The following DPP10 variants were observed in gnomAD, a reference collection of about 807,000 sequenced individuals.
DPP10 encodes inactive dipeptidyl peptidase 10.
DPP10 carries 33 observed loss-of-function variants against 120.9 expected under a neutral mutation model. The observed-to-expected ratio is 0.27, with a 90% confidence interval of 0.21 to 0.37. The LOEUF is 0.37. Among genes scored for constraint, DPP10 ranks in the 10% least tolerant of loss-of-function variants. DPP10 has a pLI of 1.00. For synonymous variants in DPP10, 337 were observed against 326.1 expected, an observed-to-expected ratio of 1.03 and a Z score of -0.36; for missense variants, 816 against 942.8, an observed-to-expected ratio of 0.87 and a Z score of 1.76.
chr2:115,777,558 CAG>C (rs1682263728), intron 14 of DPP10, among the ~76,000 whole-genome samples: 1 of 151,944 alleles, frequency 6.6e-6, no homozygotes, highest in South Asian at 2.1e-4. Flanking sequence ...ATGATTTTAT[CAG>C]GGGAAAAAAA....
chr2:115,040,721 T>A (rs1704571329), intron 1 of DPP10, among the ~76,000 whole-genome samples: 1 of 151,982 alleles, frequency 6.6e-6, no homozygotes, highest in South Asian at 2.1e-4. Flanking sequence ...GCCGTGAGAT[T>A]TGGTTGTTTA....
intron 3 of DPP10, among the ~76,000 whole-genome samples, chr2:115,460,752 T>C (rs1291827047): frequency 4.6e-5 from 7 of 152,322 alleles, no homozygotes; most frequent in African/African-American, 7.2e-5. Flanking sequence ...ATCTGGCTAC[T>C]GCCAGGTCTT....
intron 5 of DPP10, among the ~76,000 whole-genome samples, chr2:115,687,046 G>A (rs58349479): frequency 0.29 from 43,345 of 151,842 alleles, 6,617 homozygotes; most frequent in African/African-American, 0.37. Context: ...AGGAAATTGA[G>A]GAATGTTAAA....
At chr2:115,290,514 T>A (rs1318363895) in intron 1 of DPP10, among the ~76,000 whole-genome samples, 2 of 152,156 alleles carry the variant, frequency 1.3e-5, no homozygotes, top group Non-Finnish European at 2.9e-5. Flanking sequence ...CTTTCCTTTA[T>A]ATTTGAACAT....
rs11323459 is a variant in DPP10 at position 114,942,272 on chromosome 2, CA to C, written c.61-366956del. ...TGGGTGACAGGGAGAGATTCTGTCT[CA>C]AAAAAAAAAATGTGTATATATATAC... On this transcript the variant is annotated intron_variant, in intron 1 of 25. Coordinates refer to ENST00000410059, the MANE Select transcript of DPP10 (RefSeq NM_020868.6). Among the ~76,000 whole-genome samples, 964 of 102,094 alleles carry C rather than the reference CA, an allele frequency of 9.4e-3. 11 individuals are homozygous for C. Among genetic ancestry groups the C allele is most frequent in the African/African-American group, 0.032 (829 of 25,660 alleles). 67.0% of individuals were successfully genotyped at this position (102,094 alleles called of 152,430 possible). A position where few individuals can be genotyped will look rare whatever the true frequency, so the allele number is the denominator to read the frequency against.
At chr2:115,340,900 T>G (rs2063410692) in intron 2 of DPP10, among the ~76,000 whole-genome samples, 1 of 152,076 alleles carries the variant, frequency 6.6e-6, no homozygotes, top group Non-Finnish European at 1.5e-5. Flanking sequence ...AGTCAATGTT[T>G]ATCAAATATA....
chr2:115,568,444 C>A (rs919085831), intron 5 of DPP10, among the ~76,000 whole-genome samples: 1 of 151,996 alleles, frequency 6.6e-6, no homozygotes, highest in East Asian at 1.9e-4. Flanking sequence ...GATTGCGCCA[C>A]TGCACTCCAG....
At chr2:115,047,709 G>A (rs1219049815) in intron 1 of DPP10, among the ~76,000 whole-genome samples, 1 of 152,014 alleles carries the variant, frequency 6.6e-6, no homozygotes, top group Non-Finnish European at 1.5e-5. Flanking sequence ...TAAATACTAT[G>A]CTTAATGAAG....
intron 1 of DPP10, among the ~76,000 whole-genome samples, chr2:114,988,094 G>A (rs996039492): frequency 6.6e-6 from 1 of 151,962 alleles, no homozygotes; most frequent in Non-Finnish European, 1.5e-5. Context: ...GTGAGCCACC[G>A]CGCCCGGCCG....
chr2:114,517,386 G>A (rs1245148630), intron 1 of DPP10, among the ~76,000 whole-genome samples: 2 of 152,028 alleles, frequency 1.3e-5, no homozygotes, highest in Admixed American at 6.5e-5. Context: ...CAGGTGTAGT[G>A]TCACATGCCT....
At chr2:115,618,411 T>A (rs890438668) in intron 5 of DPP10, among the ~76,000 whole-genome samples, 1 of 152,148 alleles carries the variant, frequency 6.6e-6, no homozygotes, top group African/African-American at 2.4e-5. Context: ...TAATGAATGA[T>A]GAAATGGTGG....
At chr2:115,223,933 G>A (rs889741799) in intron 1 of DPP10, among the ~76,000 whole-genome samples, 1 of 152,082 alleles carries the variant, frequency 6.6e-6, no homozygotes, top group Non-Finnish European at 1.5e-5. Flanking sequence ...CCATTAAAAT[G>A]ATGTTACTCA....
rs58126075 is a variant in DPP10, at chr2:114,455,544, C to CAA, written c.60+12720_60+12721dup. Reference sequence around the variant, plus strand: ...TGGGTGACAGTTCAAGACTCTGTCTCAAAAAAAAAAAAAAATGTAAATACA... The same window carrying CAA: ...TGGGTGACAGTTCAAGACTCTGTCTCAAAAAAAAAAAAAAAAATGTAAATACA... On this transcript the variant is annotated intron_variant, in intron 1 of 25. Coordinates refer to ENST00000410059, the MANE Select transcript of DPP10 (RefSeq NM_020868.6). 8.0e-3 allele frequency among the ~76,000 whole-genome samples: 959 copies of CAA among 120,492 alleles called. 8 individuals are homozygous for CAA. Among genetic ancestry groups the CAA allele is most frequent in the African/African-American group, 0.022 (745 of 34,130 alleles). The allele number at this position is 120,492 out of a possible 152,430, so 79.0% of individuals were successfully genotyped here.
rs1450348337 is a variant in DPP10, at chr2:115,795,349, G to T, written c.1700+3993G>T. 5.3e-5 allele frequency among the ~76,000 whole-genome samples: 8 copies of T among 152,200 alleles called. No individual in the cohort carries two copies. In the East Asian group the frequency reaches 9.7e-4, roughly 18 times the overall value. Reference sequence around the variant, plus strand: ...ACTCGTTAAAGGTCTAATAAGGGAGGCAGTAAATGTTCAACAGATTATATT... The same window carrying T: ...ACTCGTTAAAGGTCTAATAAGGGAGTCAGTAAATGTTCAACAGATTATATT... On this transcript the variant is annotated intron_variant, in intron 19 of 25. Transcript: ENST00000410059.
At chr2:114,760,025 C>G (rs576066740) in intron 1 of DPP10, among the ~76,000 whole-genome samples, 5 of 152,280 alleles carry the variant, frequency 3.3e-5, no homozygotes, top group Non-Finnish European at 7.3e-5. Context: ...CACTTCTCAC[C>G]ACCTGCACCA....
intron 5 of DPP10, among the ~76,000 whole-genome samples, chr2:115,547,508 T>C (rs2079583547): frequency 6.6e-6 from 1 of 152,198 alleles, no homozygotes; most frequent in South Asian, 2.1e-4. Flanking sequence ...GCACAGTGGC[T>C]CACGCCTGTA....
chr2:115,033,697 C>CT (rs10693499), intron 1 of DPP10, among the ~76,000 whole-genome samples: 1,589 of 137,920 alleles, frequency 0.012, 19 homozygotes, highest in South Asian at 0.018. Context: ...ATCTTCCCTC[C>CT]TTTTTTTTTT....
chr2:114,494,539 G>T lies in DPP10; in HGVS notation c.60+51701G>T, dbSNP rs565557157. Among the ~76,000 whole-genome samples the T allele has an allele frequency of 3.9e-5, 6 of 152,302 alleles. No homozygotes were observed. The East Asian group carries it at 1.2e-3, about 29-fold the overall frequency. Reference sequence around the variant, plus strand: ...ATCGTGTCACTTTCTAGGGGAGAAAGAAACCAGGATGAATAATGGAGAGCA... The same window carrying T: ...ATCGTGTCACTTTCTAGGGGAGAAATAAACCAGGATGAATAATGGAGAGCA... On this transcript the variant is annotated intron_variant, in intron 1 of 25. Coordinates refer to ENST00000410059, the MANE Select transcript of DPP10 (RefSeq NM_020868.6).
At chr2:114,942,075 C>T (rs953742006) in intron 1 of DPP10, among the ~76,000 whole-genome samples, 1 of 151,412 alleles carries the variant, frequency 6.6e-6, no homozygotes, top group Non-Finnish European at 1.5e-5. Context: ...AGATCGAGAC[C>T]ATCCTGGGTA....
Sources: allele counts gnomAD v4.1 joint callset (sites outside exome capture counted in the v4.1 genomes callset), GRCh38; gene constraint gnomAD v4.1.1; transcripts MANE v1.5; gene names NCBI Gene and HGNC (gene_info 2026-07-23, HGNC 2026-07-21).